The following ADAM10 variants were observed in gnomAD, a reference collection of about 807,000 sequenced individuals.
ADAM10 encodes ADAM metallopeptidase domain 10.
In ADAM10, 17 loss-of-function variants were observed where a neutral mutation model predicts 90.1. That is an observed-to-expected ratio of 0.19 (90% CI 0.13 to 0.28). ADAM10 has a LOEUF of 0.28. Ranked by LOEUF, ADAM10 falls within the 10% of genes least tolerant of loss-of-function variation. ADAM10 has a pLI of 1.00. For missense variants in ADAM10, 610 were observed against 914.3 expected (o/e 0.67, Z 4.29); for synonymous variants, 310 against 298.6 (o/e 1.04, Z -0.40).
chr15:58,721,298 T>C (rs550657069), intron 1 of ADAM10, among the ~76,000 whole-genome samples: 9 of 152,328 alleles, frequency 5.9e-5, no homozygotes, highest in South Asian at 2.1e-4. Flanking sequence ...TAGGGTTTAA[T>C]TGGGAAAGCT....
At chr15:58,692,357 G>A (rs1256887124) in intron 2 of ADAM10, 3 of 603,802 alleles carry the variant, frequency 5.0e-6, no homozygotes, top group Non-Finnish European at 9.8e-6. Flanking sequence ...GGCTTGGTCT[G>A]GTTTAGTTCT....
chr15:58,609,421 C>G (rs1895371373), intron 14 of ADAM10: 2 of 152,060 alleles, frequency 1.3e-5, no homozygotes, highest in Admixed American at 1.3e-4. Context: ...AAAATTTTTA[C>G]TCTAGAATGT....
At chr15:58,664,693 G>A (rs1304714611) in intron 5 of ADAM10, among the ~76,000 whole-genome samples, 1 of 152,088 alleles carries the variant, frequency 6.6e-6, no homozygotes, top group African/African-American at 2.4e-5. Flanking sequence ...GAAAAGTCCT[G>A]AGATTTTTAT....
At chr15:58,629,775 T>C (rs1351967558) in intron 9 of ADAM10, among the ~76,000 whole-genome samples, 1 of 145,906 alleles carries the variant, frequency 6.9e-6, no homozygotes, top group Non-Finnish European at 1.5e-5. Flanking sequence ...TGTGTACAGT[T>C]ATAACTTTTT....
chr15:58,613,217 T>C (rs1185283635), intron 11 of ADAM10, among the ~76,000 whole-genome samples: 1 of 152,198 alleles, frequency 6.6e-6, no homozygotes, highest in African/African-American at 2.4e-5. Flanking sequence ...AGAAGCTGCA[T>C]GGAGACTATA....
intron 11 of ADAM10, among the ~76,000 whole-genome samples, chr15:58,612,826 TA>T (rs1895485671): frequency 6.6e-6 from 1 of 151,946 alleles, no homozygotes; most frequent in Non-Finnish European, 1.5e-5. Flanking sequence ...TGCTAGGGAG[TA>T]ACCCAGAGTC....
intron 8 of ADAM10, among the ~76,000 whole-genome samples, chr15:58,637,715 TTA>T (rs1167255672): frequency 6.6e-6 from 1 of 151,756 alleles, no homozygotes. Context: ...TAGATTGTAT[TTA>T]TATATATATA....
intron 3 of ADAM10, 140 bp from the exon 4 acceptor site, chr15:58,679,422 T>C: frequency 3.9e-6 from 3 of 770,862 alleles, no homozygotes; most frequent in Non-Finnish European, 6.3e-6. Context: ...ATCTTGAATA[T>C]AAATTTACTA....
At chr15:58,621,327 A>T in intron 11 of ADAM10, 144 bp downstream of exon 11, 1 of 929,090 alleles carries the variant, frequency 1.1e-6, no homozygotes, top group Non-Finnish European at 1.7e-6. Context: ...AGTAACCAAC[A>T]CTACTTCAGA....
intron 4 of ADAM10, among the ~76,000 whole-genome samples, chr15:58,678,850 C>T (rs1011588382): frequency 6.6e-6 from 1 of 152,132 alleles, no homozygotes; most frequent in Non-Finnish European, 1.5e-5. Flanking sequence ...TCAAAATATA[C>T]GATTTCCAGT....
Position 58,596,626 on chromosome 15 carries a change from T to C in ADAM10, c.*921A>G, listed in dbSNP as rs1192012575. On this transcript the variant is annotated 3_prime_UTR_variant, in exon 16 of 16. Transcript: ENST00000260408. ...AGTAGGCTACAAATAAAAAGAATCA[T>C]TTCATTGACATAATTTCTATCAAAG... is the stretch of plus-strand genomic sequence containing the variant. The C allele has an allele frequency of 2.0e-5, 3 of 152,580 alleles. No homozygotes were observed. Among genetic ancestry groups the C allele is most frequent in the Non-Finnish European group, 2.9e-5 (2 of 68,034 alleles). 9.5% of individuals were successfully genotyped at this position (152,580 alleles called of 1,614,324 possible). A position where few individuals can be genotyped will look rare whatever the true frequency, so the allele number is the denominator to read the frequency against.
intron 1 of ADAM10, among the ~76,000 whole-genome samples, chr15:58,740,312 G>C (rs1292568342): frequency 6.6e-6 from 1 of 152,016 alleles, no homozygotes; most frequent in East Asian, 1.9e-4. Flanking sequence ...CGGAGGCTGA[G>C]GCACAAAAAT....
intron 1 of ADAM10, among the ~76,000 whole-genome samples, chr15:58,725,830 T>C (rs1899010206): frequency 6.6e-6 from 1 of 152,102 alleles, no homozygotes; most frequent in Admixed American, 6.5e-5. Flanking sequence ...AAAATAACTT[T>C]CACAAATGAA....
At chr15:58,718,633 C>T (rs1227044923) in intron 1 of ADAM10, among the ~76,000 whole-genome samples, 4 of 152,154 alleles carry the variant, frequency 2.6e-5, no homozygotes, top group Non-Finnish European at 5.9e-5. Flanking sequence ...TTCCAGTCTA[C>T]CTGGTAAGAA....
intron 10 of ADAM10, among the ~76,000 whole-genome samples, chr15:58,626,140 A>AT (rs11433150): frequency 0.05 from 7,552 of 151,828 alleles, 638 homozygotes; most frequent in African/African-American, 0.17. Context: ...ATACAAAGAG[A>AT]AATGAGAACA....
intron 8 of ADAM10, among the ~76,000 whole-genome samples, chr15:58,639,764 A>T (rs1329746271): frequency 6.6e-6 from 1 of 152,196 alleles, no homozygotes; most frequent in African/African-American, 2.4e-5. Flanking sequence ...CTTTTAAAAA[A>T]GGAGAAAGAA....
intron 1 of ADAM10, among the ~76,000 whole-genome samples, chr15:58,744,647 T>C (rs1236069058): frequency 6.6e-6 from 1 of 152,234 alleles, no homozygotes; most frequent in African/African-American, 2.4e-5. Flanking sequence ...TTAAATTCAG[T>C]CCATTTTAAG....
intron 2 of ADAM10, chr15:58,693,243 A>T (rs994836036): frequency 3.7e-5 from 22 of 587,866 alleles, no homozygotes; most frequent in Admixed American, 1.9e-4. Context: ...AGGTGGGCTG[A>T]GTGTCCAAAA....
chr15:58,680,163 C>T (rs573826174), intron 3 of ADAM10, among the ~76,000 whole-genome samples: 1 of 152,218 alleles, frequency 6.6e-6, no homozygotes, highest in East Asian at 1.9e-4. Flanking sequence ...TGCTCTGTCA[C>T]CCGGGCTGGA....
Sources: gnomAD v4.1 joint callset for allele counts (sites outside exome capture counted in the v4.1 genomes callset) on GRCh38, gnomAD v4.1.1 for gene constraint, MANE v1.5 for transcripts, NCBI Gene and HGNC (gene_info 2026-07-23, HGNC 2026-07-21) for gene names.